ZGRF1: variants seen among roughly 807,000 people sequenced by gnomAD.
ZGRF1 encodes zinc finger GRF-type containing 1.
A neutral mutation model predicts 203.5 loss-of-function variants in ZGRF1; 196 were observed. The ratio of observed to expected loss-of-function variants is 0.96; its 90% CI spans 0.86 to 1.08. The LOEUF is 1.08. Among genes scored for constraint, ZGRF1 ranks in the 50% least tolerant of loss-of-function variants. The pLI is 0.00. For synonymous variants in ZGRF1, 809 were observed against 841.3 expected (o/e 0.96, Z 0.66); for missense variants, 2,326 against 2,416.3 (o/e 0.96, Z 0.78).
intron 13 of ZGRF1, among the ~76,000 whole-genome samples, 179 bp from the exon 14 acceptor site, chr4:112,585,904 T>C (rs1367863287): frequency 7.4e-6 from 1 of 135,236 alleles, no homozygotes; most frequent in African/African-American, 2.7e-5. Flanking sequence ...CACTTCTAGT[T>C]AAAAAAAAAA....
intron 19 of ZGRF1, among the ~76,000 whole-genome samples, chr4:112,559,816 C>T (rs1201562414): frequency 6.6e-6 from 1 of 152,112 alleles, no homozygotes; most frequent in Non-Finnish European, 1.5e-5. Context: ...ATTCAGGATT[C>T]TAACTCTAGA....
At chr4:112,588,018 T>C (rs1747523228) in intron 11 of ZGRF1, 89 bp from the exon 12 acceptor site, 1 of 785,330 alleles carries the variant, frequency 1.3e-6, no homozygotes, top group African/African-American at 1.8e-5. Flanking sequence ...AAAAGCAAAA[T>C]GTAGCAACTT....
At chr4:112,633,957 A>G (rs2047495002) in intron 1 of ZGRF1, among the ~76,000 whole-genome samples, 1 of 152,214 alleles carries the variant, frequency 6.6e-6, no homozygotes, top group Admixed American at 6.5e-5. Context: ...GGGGCCCAGC[A>G]GTCTGTGTTT....
At chr4:112,572,802 T>C (rs1744426054) in intron 16 of ZGRF1, among the ~76,000 whole-genome samples, 5 of 151,962 alleles carry the variant, frequency 3.3e-5, no homozygotes. Context: ...CATGAAAAAA[T>C]GCTCAACATC....
chr4:112,540,891 G>C lies in ZGRF1; in HGVS notation c.5840C>G (p.Ser1947Ter). ...EATFTLKLIQ[S>*]LIASGIAGSM... ...GCCTGCTATTCCACTTGCAATCAGT[G>C]ATTGAATCAGCTTGAGTGTAAACGT... The change falls in exon 26 of 28, where the codon TCA (serine) becomes TGA (stop). Residue 1947 changes from serine to a stop codon, truncating the protein, a stop_gained. Coordinates refer to ENST00000505019, the MANE Select transcript of ZGRF1 (RefSeq NM_018392.5). LOFTEE classifies it high-confidence loss of function. 1 of 1,587,160 alleles carries C rather than the reference G, an allele frequency of 6.3e-7. No individual in the cohort carries two copies. The highest frequency in any genetic ancestry group is 8.6e-7 in the Non-Finnish European group (1 of 1,165,158).
chr4:112,591,838 T>A (rs1748214647), intron 10 of ZGRF1, among the ~76,000 whole-genome samples: 1 of 152,160 alleles, frequency 6.6e-6, no homozygotes, highest in Non-Finnish European at 1.5e-5. Flanking sequence ...CATACCAGTG[T>A]CATTCTTCAG....
In ZGRF1 at chr4:112,605,997, A is replaced by T. The variant is rs1307994342; in HGVS notation, c.2802+11T>A. 1 of 1,533,684 alleles carries T rather than the reference A, an allele frequency of 6.5e-7. No homozygotes were observed. The highest frequency in any genetic ancestry group is 8.9e-7 in the Non-Finnish European group (1 of 1,120,104). On this transcript the variant is annotated intron_variant, in intron 9 of 27. Coordinates refer to ENST00000505019, the MANE Select transcript of ZGRF1 (RefSeq NM_018392.5). Reference sequence around the variant, plus strand: ...TTGGTTAAATAAATCGATGTTCTTCACAAATTTTACCTTAGGGTCACAGGT... The same window carrying T: ...TTGGTTAAATAAATCGATGTTCTTCTCAAATTTTACCTTAGGGTCACAGGT...
At chr4:112,596,468 A>T (rs1304496668) in intron 10 of ZGRF1, among the ~76,000 whole-genome samples, 1 of 152,122 alleles carries the variant, frequency 6.6e-6, no homozygotes, top group Non-Finnish European at 1.5e-5. Context: ...ACAAAGAAAT[A>T]TATTTTTTAA....
intron 17 of ZGRF1, 122 bp downstream of exon 17, chr4:112,563,009 A>T (rs977151603): frequency 8.0e-6 from 5 of 626,022 alleles, no homozygotes; most frequent in Non-Finnish European, 1.3e-5. Context: ...ATTTTCAGGA[A>T]CTCACTGTAC....
At chr4:112,607,379 C>CT (rs1750936792) in intron 8 of ZGRF1, among the ~76,000 whole-genome samples, 1 of 152,210 alleles carries the variant, frequency 6.6e-6, no homozygotes, top group Admixed American at 6.5e-5. Context: ...AATGATACCC[C>CT]TGTCTTGGCT....
intron 21 of ZGRF1, among the ~76,000 whole-genome samples, chr4:112,554,335 TC>T (rs752068553): frequency 5.6e-4 from 85 of 151,884 alleles, no homozygotes; most frequent in Admixed American, 1.8e-3. Context: ...AGTTTGCTGA[TC>T]CCATTACTGG....
At chr4:112,540,647 A>G (rs532452384) in intron 26 of ZGRF1, among the ~76,000 whole-genome samples, 174 bp downstream of exon 26, 58 of 152,342 alleles carry the variant, frequency 3.8e-4, no homozygotes, top group Middle Eastern at 6.8e-3. Context: ...ATTTAATTAT[A>G]CAGAAAAAAA....
chr4:112,549,807 T>C (rs1274151551), intron 22 of ZGRF1, among the ~76,000 whole-genome samples: 1 of 151,828 alleles, frequency 6.6e-6, no homozygotes, highest in Non-Finnish European at 1.5e-5. Context: ...TATAAAACAG[T>C]TTCAGGGACG....
chr4:112,627,336 C>T (rs2149198021), intron 3 of ZGRF1, among the ~76,000 whole-genome samples: 1 of 152,196 alleles, frequency 6.6e-6, no homozygotes, highest in Non-Finnish European at 1.5e-5. Context: ...TTGGTCAGAC[C>T]TCCATTAATT....
At chr4:112,634,866 T>C (rs2047531136) in intron 1 of ZGRF1, among the ~76,000 whole-genome samples, 1 of 151,594 alleles carries the variant, frequency 6.6e-6, no homozygotes, top group South Asian at 2.1e-4. Flanking sequence ...GTGTGGTGAC[T>C]CACGCCTGTA....
chr4:112,569,638 T>G (rs1007174361), intron 16 of ZGRF1, among the ~76,000 whole-genome samples: 1 of 152,162 alleles, frequency 6.6e-6, no homozygotes, highest in African/African-American at 2.4e-5. Context: ...ATCAATTTAT[T>G]TTTTAAAAGT....
At chr4:112,581,639 G>A (rs753388090) in intron 16 of ZGRF1, 24 bp downstream of exon 16, 27 of 1,530,332 alleles carry the variant, frequency 1.8e-5, no homozygotes, top group Middle Eastern at 1.8e-4. Flanking sequence ...AGACTGAATC[G>A]CCAGTATGAT....
rs994538538 is a variant in ZGRF1 at position 112,618,107 on chromosome 4, A to C, written c.1935T>G (p.Phe645Leu). 3 of 1,613,804 alleles carry C rather than the reference A, an allele frequency of 1.9e-6. No homozygotes were observed. Among genetic ancestry groups the C allele is most frequent in the African/African-American group, 1.3e-5 (1 of 74,908 alleles). The change falls in exon 6 of 28, where the codon TTT becomes TTG. Residue 645 changes from phenylalanine to leucine, a missense_variant. Transcript: ENST00000505019. Reference protein sequence around the residue: ...IEEYSDTLSNFESFKWTDAVY... With the variant: ...IEEYSDTLSNLESFKWTDAVY... Reference sequence around the variant, plus strand: ...CAGCATCAGTCCACTTGAAAGATTCAAAATTGCTTAATGTGTCACTATACT... The same window carrying C: ...CAGCATCAGTCCACTTGAAAGATTCCAAATTGCTTAATGTGTCACTATACT...
Position 112,539,382 on chromosome 4 carries a change from C to A in ZGRF1, c.*165G>T. On this transcript the variant is annotated 3_prime_UTR_variant, in exon 28 of 28. Coordinates refer to ENST00000505019, the MANE Select transcript of ZGRF1 (RefSeq NM_018392.5). Reference sequence around the variant, plus strand: ...TTTTTATTAGTAGGATTTTATACTACCTTTTGTACACTTTTTTGAAGAACA... The same window carrying A: ...TTTTTATTAGTAGGATTTTATACTAACTTTTGTACACTTTTTTGAAGAACA... 2.3e-6 allele frequency: 1 copy of A among 440,824 alleles called. No individual in the cohort carries two copies. The highest frequency in any genetic ancestry group is 3.9e-6 in the Non-Finnish European group (1 of 255,188). 27.3% of individuals were successfully genotyped at this position (440,824 alleles called of 1,614,324 possible).
Sources: gnomAD v4.1 joint callset for allele counts (sites outside exome capture counted in the v4.1 genomes callset) on GRCh38, gnomAD v4.1.1 for gene constraint, MANE v1.5 for transcripts, NCBI Gene and HGNC (gene_info 2026-07-23, HGNC 2026-07-21) for gene names.